Variants in FGD5 observed in about 807,000 individuals in gnomAD.
FGD5 encodes the protein FYVE, RhoGEF and PH domain containing 5.
Under a neutral mutation model 133.4 loss-of-function variants are expected in FGD5, and 28 were observed. The observed-to-expected ratio is 0.21, with a 90% CI of 0.16 to 0.29. FGD5 has a LOEUF of 0.29. Among genes scored for constraint, FGD5 ranks in the 10% least tolerant of loss-of-function variants. The probability of loss-of-function intolerance (pLI) is 1.00; values close to 1 mark genes in which losing one functional copy is unlikely to be tolerated. For synonymous variants in FGD5, 810 were observed against 776.5 expected, an observed-to-expected ratio of 1.04 and a Z score of -0.72; for missense variants, 1,858 against 1,895.2, an observed-to-expected ratio of 0.98 and a Z score of 0.36.
At chr3:14,838,218 T>G (rs568946505) in intron 1 of FGD5, among the ~76,000 whole-genome samples, 10 of 152,260 alleles carry the variant, frequency 6.6e-5, no homozygotes, top group African/African-American at 2.4e-4. Context: ...GTTTTCTGCA[T>G]GGACTTCTCC....
At chr3:14,813,542 C>G (rs139113245) in intron 1 of FGD5, among the ~76,000 whole-genome samples, 1 of 152,310 alleles carries the variant, frequency 6.6e-6, no homozygotes, top group East Asian at 1.9e-4. Context: ...GTATAGTGAA[C>G]TGCAGCTGAA....
chr3:14,814,038 T>G (rs1009325560), upstream of FGD5, among the ~76,000 whole-genome samples: 5 of 152,290 alleles, frequency 3.3e-5, no homozygotes, highest in East Asian at 9.7e-4. Context: ...AAAGGGTGTT[T>G]GGAGTTTGAG....
intron 7 of FGD5, among the ~76,000 whole-genome samples, chr3:14,899,392 A>G (rs1002125617): frequency 1.3e-5 from 2 of 151,694 alleles, no homozygotes; most frequent in African/African-American, 4.9e-5. Flanking sequence ...CCTTTCCCCT[A>G]TCTCTGCCTG....
At chr3:14,874,277 G>T (rs913874738) in intron 2 of FGD5, among the ~76,000 whole-genome samples, 1 of 152,110 alleles carries the variant, frequency 6.6e-6, no homozygotes, top group Non-Finnish European at 1.5e-5. Flanking sequence ...CCAGCACTTC[G>T]GGAGGCCAAG....
chr3:14,812,595 CAATGTGATGGT>C lies in FGD5; in HGVS notation c.13+1735_13+1745del, dbSNP rs1451750178. Among the ~76,000 whole-genome samples, 26 of 152,262 alleles carry C rather than the reference CAATGTGATGGT, an allele frequency of 1.7e-4. No individual in the cohort carries two copies. In the East Asian group the frequency reaches 1.7e-3, roughly 10 times the overall value. On this transcript the variant is annotated intron_variant, in intron 1 of 1. Transcript: ENST00000640506. The stretch of plus-strand genomic sequence containing the variant: ...TCCAGTGTAAACCTGGTTCCTTTTT[CAATGTGATGGT>C]AATGATACCAGCCTCACATTCAGGC...
chr3:14,917,472 G>A lies in FGD5; in HGVS notation c.3489+140G>A, dbSNP rs1011005431. On this transcript the variant is annotated intron_variant, in intron 12 of 19. Coordinates refer to ENST00000285046, the MANE Select transcript of FGD5 (RefSeq NM_152536.4). The surrounding 1 kb of genome is among the most constrained non-coding windows in gnomAD (Gnocchi z 4.1). Reference sequence around the variant, plus strand: ...CGGAAACAGTGTTGGGCTACAGCAAGTTTGTGCTGTAAGTTGCCCAGGGAA... The same window carrying A: ...CGGAAACAGTGTTGGGCTACAGCAAATTTGTGCTGTAAGTTGCCCAGGGAA... 2.0e-5 allele frequency: 15 copies of A among 734,594 alleles called. No homozygotes were observed. Among genetic ancestry groups the A allele is most frequent in the Non-Finnish European group, 3.1e-5 (14 of 447,656 alleles). 45.5% of individuals were successfully genotyped at this position (734,594 alleles called of 1,614,324 possible). A position where few individuals can be genotyped will look rare whatever the true frequency, so the allele number is the denominator to read the frequency against.
chr3:14,907,810 G>A, intron 10 of FGD5, 99 bp downstream of exon 10: 1 of 1,247,640 alleles, frequency 8.0e-7, no homozygotes, highest in South Asian at 1.4e-5. Flanking sequence ...CCTGGCTGCA[G>A]GTGCTGTCTA....
chr3:14,925,640 C>T (rs2038788297), intron 17 of FGD5, among the ~76,000 whole-genome samples: 1 of 152,110 alleles, frequency 6.6e-6, no homozygotes, highest in African/African-American at 2.4e-5. Flanking sequence ...CTGCACACAC[C>T]CCACTAGGCA....
At chr3:14,851,338 C>A (rs1190938431) in intron 1 of FGD5, among the ~76,000 whole-genome samples, 1 of 152,210 alleles carries the variant, frequency 6.6e-6, no homozygotes, top group Non-Finnish European at 1.5e-5. Flanking sequence ...CTGAGGCAGG[C>A]AGGTTAAGCA....
At position 14,820,189 on chromosome 3, in the gene FGD5, A is replaced by C. The variant is rs768641551; in HGVS notation, c.1118A>C (p.Glu373Ala). The C allele has an allele frequency of 1.2e-6, 2 of 1,613,408 alleles. No individual in the cohort carries two copies. The highest frequency in any genetic ancestry group is 2.7e-5 in the African/African-American group (2 of 74,918). The stretch of plus-strand genomic sequence containing the variant: ...CTTTCTGAATCAGCGAAAGGTTTAG[A>C]ATCAGAGCAGGCACCAAAGCTGGGG... Reference protein sequence around the residue: ...SPLSESAKGLESEQAPKLGLR... With the variant: ...SPLSESAKGLASEQAPKLGLR... The change falls in exon 1 of 20, where the codon GAA (glutamate) becomes GCA (alanine). Residue 373 changes from glutamate (E) to alanine (A), a missense_variant. Physicochemically the swap from Glu to Ala is moderately radical, Grantham distance 107. This residue lies in a region of FGD5 where 1,824 missense variants were observed against 1,848.9 expected (regional missense o/e 0.99). Coordinates refer to ENST00000285046, the MANE Select transcript of FGD5 (RefSeq NM_152536.4).
chr3:14,844,245 T>A (rs1407979200), intron 1 of FGD5, among the ~76,000 whole-genome samples: 1,367 of 52,236 alleles, frequency 0.026, 200 homozygotes, highest in African/African-American at 0.099. Flanking sequence ...TATATATATA[T>A]ATATATATAT....
upstream of FGD5, among the ~76,000 whole-genome samples, chr3:14,817,877 G>T (rs551035899): frequency 1.3e-5 from 2 of 152,246 alleles, no homozygotes; most frequent in Middle Eastern, 3.4e-3. Flanking sequence ...TTCTATGCCC[G>T]CAGTATGCAA....
At chr3:14,881,393 C>G (rs1380202449) in intron 4 of FGD5, among the ~76,000 whole-genome samples, 1 of 152,158 alleles carries the variant, frequency 6.6e-6, no homozygotes. Flanking sequence ...TGAGCTCTCG[C>G]TGCATAACAA....
At chr3:14,812,345 A>G (rs184974240) in intron 1 of FGD5, among the ~76,000 whole-genome samples, 158 of 152,322 alleles carry the variant, frequency 1.0e-3, no homozygotes, top group Middle Eastern at 3.4e-3. Flanking sequence ...GCGTGGCTGA[A>G]CAGAGCCAGG....
intron 2 of FGD5, among the ~76,000 whole-genome samples, chr3:14,870,147 A>AGCCC (rs1213044801): frequency 6.6e-6 from 1 of 151,672 alleles, no homozygotes; most frequent in East Asian, 1.9e-4. Flanking sequence ...GGGAGCCCGA[A>AGCCC]TGGCATGAGG....
rs542949021 is a variant in FGD5 at position 14,931,083 on chromosome 3, A to C, written c.4198-1494A>C. ...GGTCTCCAGTACAATGTTGAATTGA[A>C]CTGATGAGAGTGAACACCATTCTTG... On this transcript the variant is annotated intron_variant, in intron 18 of 19. Coordinates refer to ENST00000285046, the MANE Select transcript of FGD5 (RefSeq NM_152536.4). 1.3e-5 allele frequency: 2 copies of C among 152,302 alleles called. 1 individual carries two copies. Among genetic ancestry groups the C allele is most frequent in the South Asian group, 4.1e-4 (2 of 4,826 alleles). The allele number at this position is 152,302 out of a possible 1,614,324, so 9.4% of individuals were successfully genotyped here. A position where few individuals can be genotyped will look rare whatever the true frequency, so the allele number is the denominator to read the frequency against.
chr3:14,922,073 G>A lies in FGD5; in HGVS notation c.3669+56G>A, dbSNP rs942177042. The A allele has an allele frequency of 6.6e-6, 10 of 1,524,972 alleles. No individual in the cohort carries two copies. The highest frequency in any genetic ancestry group is 8.0e-6 in the Non-Finnish European group (9 of 1,124,642). The allele number at this position is 1,524,972 out of a possible 1,614,324, so 94.5% of individuals were successfully genotyped here. ...CAGCTTCAGAGACCTGGGGTTCCCT[G>A]GGCGGGCATTGCTGTTGCCACTCAC... On this transcript the variant is annotated intron_variant, in intron 14 of 19. Coordinates refer to ENST00000285046, the MANE Select transcript of FGD5 (RefSeq NM_152536.4). The surrounding 1 kb of genome is among the most constrained non-coding windows in gnomAD (Gnocchi z 4.1).
At chr3:14,893,252 A>G (rs1404830068) in intron 4 of FGD5, among the ~76,000 whole-genome samples, 1 of 152,170 alleles carries the variant, frequency 6.6e-6, no homozygotes, top group African/African-American at 2.4e-5. Context: ...ATTTGTAAAG[A>G]GCAAATCAGT....
chr3:14,837,820 G>A (rs73815959), intron 1 of FGD5, among the ~76,000 whole-genome samples: 2,441 of 152,102 alleles, frequency 0.016, 57 homozygotes, highest in African/African-American at 0.055. Context: ...TTTCTTTTTC[G>A]GGGCCTCGGT....
Sources: gnomAD v4.1 joint callset for allele counts (sites outside exome capture counted in the v4.1 genomes callset) on GRCh38, gnomAD v4.1.1 for gene constraint, gnomAD v4.1.1 regional missense constraint, Gnocchi (gnomAD v3.1) non-coding constraint, MANE v1.5 for transcripts, NCBI Gene and HGNC (gene_info 2026-07-23, HGNC 2026-07-21) for gene names.